The following CCDC149 variants were observed in gnomAD, a reference collection of about 807,000 sequenced individuals.
CCDC149 encodes the protein coiled-coil domain containing 149, also known as coiled-coil domain-containing protein 149.
In CCDC149, 45 loss-of-function variants were observed where a neutral mutation model predicts 59.9. That is an observed-to-expected ratio of 0.75 (90% confidence interval 0.59 to 0.96). The LOEUF is 0.96. Among genes scored for constraint, CCDC149 ranks in the 40% least tolerant of loss-of-function variants. The pLI, the probability that CCDC149 is intolerant of heterozygous loss-of-function variation, is 0.00. For synonymous variants in CCDC149, 245 were observed against 260.6 expected, an observed-to-expected ratio of 0.94 and a Z score of 0.58; for missense variants, 584 against 664.7, an observed-to-expected ratio of 0.88 and a Z score of 1.33.
At chr4:24,821,119 AT>A (rs1715363078) in intron 10 of CCDC149, 32 bp from the exon 11 acceptor site, 3 of 1,213,966 alleles carry the variant, frequency 2.5e-6, no homozygotes, top group Non-Finnish European at 3.1e-6. Context: ...AAAGGAAATA[AT>A]TGTTATTGCA....
intron 1 of CCDC149, among the ~76,000 whole-genome samples, chr4:24,958,357 C>T (rs1214832786): frequency 1.3e-5 from 2 of 152,184 alleles, no homozygotes; most frequent in African/African-American, 2.4e-5. Context: ...GCCTGCAGTG[C>T]CTCAGACTAC....
chr4:24,949,878 G>A (rs570244766), intron 1 of CCDC149, among the ~76,000 whole-genome samples: 18 of 152,300 alleles, frequency 1.2e-4, no homozygotes, highest in South Asian at 2.1e-4. Context: ...TGGACTCCCC[G>A]GGGCCTGTGA....
At chr4:24,904,254 T>G (rs904826005) in intron 1 of CCDC149, among the ~76,000 whole-genome samples, 1 of 152,230 alleles carries the variant, frequency 6.6e-6, no homozygotes, top group Non-Finnish European at 1.5e-5. Context: ...CTTAAAAAGA[T>G]AGAAGACAGC....
intron 1 of CCDC149, among the ~76,000 whole-genome samples, chr4:24,971,686 G>A (rs938205665): frequency 2.0e-5 from 3 of 152,178 alleles, no homozygotes; most frequent in African/African-American, 7.2e-5. Context: ...CTCTTGGCAA[G>A]GACATTCTAA....
intron 1 of CCDC149, among the ~76,000 whole-genome samples, chr4:24,972,395 C>T (rs1723998528): frequency 6.6e-6 from 1 of 151,902 alleles, no homozygotes. Flanking sequence ...GCAGCCTCAA[C>T]CTCCCTTGCT....
intron 1 of CCDC149, among the ~76,000 whole-genome samples, chr4:24,927,627 C>T (rs181047138): frequency 2.9e-4 from 44 of 152,282 alleles, no homozygotes; most frequent in African/African-American, 8.4e-4. Context: ...ACCCCCTTCC[C>T]GTATAATGAT....
chr4:24,880,615 G>A (rs1008900345), intron 1 of CCDC149, among the ~76,000 whole-genome samples: 1 of 152,162 alleles, frequency 6.6e-6, no homozygotes, highest in African/African-American at 2.4e-5. Context: ...AAAAACTAGA[G>A]AGAAAAAGGT....
intron 3 of CCDC149, among the ~76,000 whole-genome samples, chr4:24,872,459 GTATC>G (rs1399955479): frequency 6.6e-6 from 1 of 152,050 alleles, no homozygotes; most frequent in Non-Finnish European, 1.5e-5. Flanking sequence ...CCGCCAAATG[GTATC>G]TATCACCCCC....
At chr4:24,949,802 G>A (rs1191913031) in intron 1 of CCDC149, among the ~76,000 whole-genome samples, 1 of 152,224 alleles carries the variant, frequency 6.6e-6, no homozygotes, top group Non-Finnish European at 1.5e-5. Flanking sequence ...GCGTGGGAAG[G>A]AAGTGGCAGG....
intron 1 of CCDC149, among the ~76,000 whole-genome samples, chr4:24,922,256 C>T (rs556751560): frequency 3.9e-5 from 6 of 152,328 alleles, no homozygotes; most frequent in African/African-American, 1.4e-4. Context: ...TTCGATGAGA[C>T]ATCCCCCACC....
At chr4:24,972,529 A>G (rs899568447) in intron 1 of CCDC149, among the ~76,000 whole-genome samples, 3 of 151,888 alleles carry the variant, frequency 2.0e-5, no homozygotes, top group Non-Finnish European at 2.9e-5. Flanking sequence ...TCTAGTCTCA[A>G]ACCCCTGAGC....
chr4:24,825,353 G>A (rs374983282), intron 9 of CCDC149, among the ~76,000 whole-genome samples: 13 of 152,162 alleles, frequency 8.5e-5, no homozygotes, highest in East Asian at 7.7e-4. Flanking sequence ...TTGGTGTCCT[G>A]CAACAACTGA....
At chr4:24,883,397 G>C (rs114195194) in intron 1 of CCDC149, among the ~76,000 whole-genome samples, 1,906 of 124,570 alleles carry the variant, frequency 0.015, 35 homozygotes, top group African/African-American at 0.049. Context: ...TCTCTAATAA[G>C]CCACTCTGGA....
intron 1 of CCDC149, among the ~76,000 whole-genome samples, chr4:24,901,649 T>C (rs1043640210): frequency 6.6e-6 from 1 of 152,174 alleles, no homozygotes; most frequent in African/African-American, 2.4e-5. Context: ...TCATCGAAAA[T>C]GTTCCCAGTA....
intron 12 of CCDC149, among the ~76,000 whole-genome samples, chr4:24,816,715 A>G (rs1477013123): frequency 1.3e-5 from 2 of 152,246 alleles, no homozygotes; most frequent in African/African-American, 4.8e-5. Context: ...AATGATACAC[A>G]TATCAATGAT....
At chr4:24,978,877 G>A (rs943260705) in intron 1 of CCDC149, among the ~76,000 whole-genome samples, 2 of 152,220 alleles carry the variant, frequency 1.3e-5, no homozygotes, top group African/African-American at 4.8e-5. Context: ...CGTGTCTTTA[G>A]GATTTCTCAA....
At chr4:24,868,115 G>A (rs1718811675) in intron 3 of CCDC149, among the ~76,000 whole-genome samples, 1 of 152,140 alleles carries the variant, frequency 6.6e-6, no homozygotes, top group Non-Finnish European at 1.5e-5. Context: ...CATAACACAG[G>A]AGACCCCATC....
downstream of CCDC149, among the ~76,000 whole-genome samples, chr4:24,804,250 T>G (rs541128803): frequency 6.6e-6 from 1 of 152,194 alleles, no homozygotes; most frequent in South Asian, 2.1e-4. Flanking sequence ...CCCAGCACTT[T>G]GGGAGGCCGA....
At chr4:24,817,361 C>T (rs946605647) in intron 12 of CCDC149, among the ~76,000 whole-genome samples, 3 of 152,146 alleles carry the variant, frequency 2.0e-5, no homozygotes, top group African/African-American at 7.2e-5. Flanking sequence ...CCCAGCCTTG[C>T]TTTCTGGCTG....
Sources: gnomAD v4.1 joint callset for allele counts (sites outside exome capture counted in the v4.1 genomes callset) on GRCh38, gnomAD v4.1.1 for gene constraint, MANE v1.5 for transcripts, NCBI Gene and HGNC (gene_info 2026-07-23, HGNC 2026-07-21) for gene names.